SIPA1L3: variants seen among roughly 807,000 people sequenced by gnomAD.
SIPA1L3 encodes signal-induced proliferation-associated 1-like protein 3.
Under a neutral mutation model 150.1 loss-of-function variants are expected in SIPA1L3, and 59 were observed. That is an observed-to-expected ratio of 0.39 (90% CI 0.32 to 0.49). The LOEUF (loss-of-function observed/expected upper bound fraction) is 0.49, where lower values mean the gene tolerates loss of function less well. Among genes scored for constraint, SIPA1L3 ranks in the 20% least tolerant of loss-of-function variants. The probability of loss-of-function intolerance (pLI) is 0.86; values close to 1 mark genes in which losing one functional copy is unlikely to be tolerated. For missense variants in SIPA1L3, 2,211 were observed against 2,489.5 expected (o/e 0.89, Z 2.38); for synonymous variants, 1,070 against 1,077.6 (o/e 0.99, Z 0.14).
At chr19:38,085,338 G>C (rs1600041908) in intron 3 of SIPA1L3, among the ~76,000 whole-genome samples, 1 of 152,034 alleles carries the variant, frequency 6.6e-6, no homozygotes, top group African/African-American at 2.4e-5. Flanking sequence ...AAATTAGCCG[G>C]GCATGGTGGT....
intron 1 of SIPA1L3, among the ~76,000 whole-genome samples, chr19:37,934,253 G>C (rs2046580515): frequency 6.6e-6 from 1 of 152,184 alleles, no homozygotes; most frequent in African/African-American, 2.4e-5. Flanking sequence ...GGACTGAGGT[G>C]CTGATGGACT....
intron 14 of SIPA1L3, 77 bp downstream of exon 14, chr19:38,162,448 C>A: frequency 1.9e-6 from 2 of 1,047,250 alleles, no homozygotes; most frequent in Non-Finnish European, 3.0e-6. Context: ...CACACTTGAG[C>A]ACATCCTCAA....
chr19:38,013,364 G>T (rs1968152087), intron 1 of SIPA1L3, among the ~76,000 whole-genome samples: 1 of 152,098 alleles, frequency 6.6e-6, no homozygotes. Context: ...CAAGTTGCTG[G>T]AGGACATGTG....
intron 9 of SIPA1L3, among the ~76,000 whole-genome samples, chr19:38,128,875 C>T (rs935007079): frequency 5.9e-5 from 9 of 151,318 alleles, no homozygotes; most frequent in Non-Finnish European, 1.0e-4. Flanking sequence ...CCAGCCTGGG[C>T]GACAGCGAGA....
At chr19:38,195,793 T>TCCCC (rs528922318) in intron 18 of SIPA1L3, among the ~76,000 whole-genome samples, 42 of 20,010 alleles carry the variant, frequency 2.1e-3, no homozygotes, top group South Asian at 8.0e-3. Flanking sequence ...ACAGGCCCCG[T>TCCCC]CCCCCCCCGC....
At chr19:38,131,422 T>C (rs972589786) in intron 10 of SIPA1L3, among the ~76,000 whole-genome samples, 1 of 152,018 alleles carries the variant, frequency 6.6e-6, no homozygotes, top group Non-Finnish European at 1.5e-5. Context: ...GCCTCCCCAG[T>C]GTACATGGGT....
At chr19:38,093,725 C>T (rs868117109) in intron 4 of SIPA1L3, among the ~76,000 whole-genome samples, 2 of 152,154 alleles carry the variant, frequency 1.3e-5, no homozygotes, top group Non-Finnish European at 1.5e-5. Context: ...CCCAGATGGC[C>T]GTCCCCAGCC....
chr19:37,994,785 G>A (rs1487458645), intron 1 of SIPA1L3, among the ~76,000 whole-genome samples: 1 of 152,126 alleles, frequency 6.6e-6, no homozygotes, highest in African/African-American at 2.4e-5. Context: ...GTGATCTTTC[G>A]ATCTGTCAGT....
chr19:37,932,127 C>T (rs764125075), intron 1 of SIPA1L3, among the ~76,000 whole-genome samples: 7 of 152,240 alleles, frequency 4.6e-5, no homozygotes, highest in East Asian at 1.9e-4. Context: ...CTCCTCTGCA[C>T]GGGCCAAGGA....
chr19:38,049,478 G>A (rs1387382565), intron 2 of SIPA1L3, among the ~76,000 whole-genome samples: 1 of 152,086 alleles, frequency 6.6e-6, no homozygotes, highest in East Asian at 1.9e-4. Context: ...CATCTGCCAC[G>A]GCTCACGTGT....
intron 16 of SIPA1L3, 83 bp downstream of exon 16, chr19:38,182,823 C>A: frequency 9.5e-7 from 1 of 1,053,004 alleles, no homozygotes; most frequent in Non-Finnish European, 1.4e-6. Context: ...ATGCCACATG[C>A]TGTCATTGCA....
At chr19:37,991,342 G>T (rs371953169) in intron 1 of SIPA1L3, among the ~76,000 whole-genome samples, 1 of 152,216 alleles carries the variant, frequency 6.6e-6, no homozygotes, top group Non-Finnish European at 1.5e-5. Context: ...GCTCTTAAGC[G>T]CTCTGTGGAC....
intron 1 of SIPA1L3, among the ~76,000 whole-genome samples, chr19:38,006,338 A>C (rs1275544832): frequency 6.6e-6 from 1 of 152,206 alleles, no homozygotes; most frequent in East Asian, 1.9e-4. Context: ...AGACAGGGCC[A>C]ATCATGCTTG....
At chr19:38,125,901 C>T (rs776633621) in intron 9 of SIPA1L3, among the ~76,000 whole-genome samples, 9 of 152,194 alleles carry the variant, frequency 5.9e-5, no homozygotes, top group African/African-American at 1.4e-4. Context: ...CGGCCAAGCG[C>T]GGTGGCTCAC....
At chr19:37,995,901 G>T (rs1967630197) in intron 1 of SIPA1L3, among the ~76,000 whole-genome samples, 1 of 152,160 alleles carries the variant, frequency 6.6e-6, no homozygotes, top group South Asian at 2.1e-4. Context: ...AGTGGAAAGA[G>T]GATTTAGAGT....
At chr19:38,129,006 A>G (rs1012525064) in intron 9 of SIPA1L3, among the ~76,000 whole-genome samples, 1 of 152,240 alleles carries the variant, frequency 6.6e-6, no homozygotes, top group Admixed American at 6.5e-5. Context: ...ATGACTTCTC[A>G]CAGGAAATGT....
chr19:37,996,370 C>T (rs1006417716), intron 1 of SIPA1L3, among the ~76,000 whole-genome samples: 2 of 152,178 alleles, frequency 1.3e-5, no homozygotes, highest in Admixed American at 6.5e-5. Context: ...GATTTACAGG[C>T]GGGAGCCCAG....
At chr19:38,084,343 T>C (rs560309848) in intron 3 of SIPA1L3, among the ~76,000 whole-genome samples, 5 of 152,130 alleles carry the variant, frequency 3.3e-5, no homozygotes, top group African/African-American at 4.8e-5. Context: ...AGCCTACTGC[T>C]CAAGGACATT....
chr19:37,943,884 T>C (rs961167577), intron 1 of SIPA1L3, among the ~76,000 whole-genome samples: 2 of 152,102 alleles, frequency 1.3e-5, no homozygotes, highest in African/African-American at 4.8e-5. Flanking sequence ...TTGACAAGGA[T>C]TGTATGTTGA....
Sources: gnomAD v4.1 joint callset for allele counts (sites outside exome capture counted in the v4.1 genomes callset) on GRCh38, gnomAD v4.1.1 for gene constraint, MANE v1.5 for transcripts, NCBI Gene and HGNC (gene_info 2026-07-23, HGNC 2026-07-21) for gene names.